ZCCHC14: variants seen among roughly 807,000 people sequenced by gnomAD.
ZCCHC14 encodes zinc finger CCHC domain-containing protein 14.
A neutral mutation model predicts 85.0 loss-of-function variants in ZCCHC14; 16 were observed. The ratio of observed to expected loss-of-function variants is 0.19; its 90% CI spans 0.13 to 0.29. The LOEUF (loss-of-function observed/expected upper bound fraction) is 0.29. ZCCHC14 is among the 10% of genes least tolerant of loss of function. ZCCHC14 has a pLI of 1.00. For synonymous variants in ZCCHC14, 775 were observed against 630.7 expected, an observed-to-expected ratio of 1.23 and a Z score of -3.43; for missense variants, 1,303 against 1,443.5, an observed-to-expected ratio of 0.90 and a Z score of 1.58.
intron 1 of ZCCHC14, chr16:87,470,514 T>G (rs183447555): frequency 6.6e-6 from 1 of 152,134 alleles, no homozygotes; most frequent in African/African-American, 2.4e-5. Context: ...AGGCAGGATG[T>G]GATGAGCTTT....
chr16:87,451,373 T>G (rs1453686183), intron 2 of ZCCHC14, among the ~76,000 whole-genome samples: 2 of 151,490 alleles, frequency 1.3e-5, no homozygotes, highest in African/African-American at 4.9e-5. Context: ...AATCTTTGTA[T>G]TTCAAGTAGA....
At chr16:87,425,425 A>G (rs1909318925) in intron 3 of ZCCHC14, among the ~76,000 whole-genome samples, 1 of 151,954 alleles carries the variant, frequency 6.6e-6, no homozygotes, top group South Asian at 2.1e-4. Flanking sequence ...AAAAATACAA[A>G]ATTGGCCGGG....
chr16:87,420,951 C>G lies in ZCCHC14; in HGVS notation c.841-235G>C, dbSNP rs1342953168. 6.6e-6 allele frequency among the ~76,000 whole-genome samples: 1 copy of G among 152,250 alleles called. No individual in the cohort carries two copies. Among genetic ancestry groups the G allele is most frequent in the Non-Finnish European group, 1.5e-5 (1 of 68,042 alleles). On this transcript the variant is annotated intron_variant, in intron 4 of 12. Coordinates refer to ENST00000671377, the MANE Select transcript of ZCCHC14 (RefSeq NM_015144.3). This position sits in a 1 kb window ranked among gnomAD's most constrained non-coding sequence, Gnocchi z 5.0. ...GGAAAAGCTTGACAATCTGCACAATCACAATGTTCCTTGAGCCCATCTGAG... is the reference window on the plus strand; with the variant it reads ...GGAAAAGCTTGACAATCTGCACAATGACAATGTTCCTTGAGCCCATCTGAG...
At chr16:87,475,382 T>C (rs1379907670) in intron 1 of ZCCHC14, among the ~76,000 whole-genome samples, 7 of 151,776 alleles carry the variant, frequency 4.6e-5, no homozygotes, top group South Asian at 2.1e-4. Context: ...CAAAACCCTG[T>C]CTCTACAAAA....
At chr16:87,427,184 C>G (rs894048661) in intron 3 of ZCCHC14, among the ~76,000 whole-genome samples, 5 of 152,230 alleles carry the variant, frequency 3.3e-5, no homozygotes, top group African/African-American at 7.2e-5. Context: ...TGCCACGGGT[C>G]ACCTTCTGCA....
chr16:87,442,280 C>G (rs188257458), intron 2 of ZCCHC14, among the ~76,000 whole-genome samples: 1 of 152,172 alleles, frequency 6.6e-6, no homozygotes, highest in South Asian at 2.1e-4. Context: ...ACAGCCACAC[C>G]CCACAGAAGG....
At chr16:87,458,106 A>G (rs900680263) in intron 2 of ZCCHC14, among the ~76,000 whole-genome samples, 3 of 152,292 alleles carry the variant, frequency 2.0e-5, no homozygotes, top group African/African-American at 7.2e-5. Flanking sequence ...TACAGAAAAA[A>G]AAAAAAAAGA....
intron 2 of ZCCHC14, among the ~76,000 whole-genome samples, chr16:87,442,123 G>A (rs892187566): frequency 6.6e-6 from 1 of 152,210 alleles, no homozygotes; most frequent in Non-Finnish European, 1.5e-5. Flanking sequence ...CCGTGGCGTT[G>A]TGGGTGCGTT....
chr16:87,481,562 C>G (rs1327497147), intron 1 of ZCCHC14, among the ~76,000 whole-genome samples: 318 of 7,914 alleles, frequency 0.04, no homozygotes, highest in Admixed American at 0.064. Context: ...GAAGGGTAAG[C>G]GGGAGGGGAA....
At chr16:87,452,515 C>A in intron 2 of ZCCHC14, among the ~76,000 whole-genome samples, 1 of 151,928 alleles carries the variant, frequency 6.6e-6, no homozygotes, top group East Asian at 1.9e-4. Flanking sequence ...TACAGAAGAG[C>A]GCTATCGGGA....
chr16:87,476,627 T>G (rs1309201173), intron 1 of ZCCHC14, among the ~76,000 whole-genome samples: 2 of 151,154 alleles, frequency 1.3e-5, no homozygotes, highest in African/African-American at 4.9e-5. Flanking sequence ...AGCCAACAGA[T>G]AAAATGGAAT....
intron 1 of ZCCHC14, among the ~76,000 whole-genome samples, chr16:87,475,497 G>T (rs538364010): frequency 6.8e-6 from 1 of 148,002 alleles, no homozygotes; most frequent in South Asian, 2.1e-4. Context: ...AGGTTGCAGT[G>T]AGCCGAGAGT....
intron 1 of ZCCHC14, chr16:87,471,175 T>C (rs1911755164): frequency 6.6e-6 from 1 of 152,156 alleles, no homozygotes; most frequent in African/African-American, 2.4e-5. Context: ...CCTACCTCTA[T>C]ACAGGAAGGA....
chr16:87,480,471 G>A (rs564069198), intron 1 of ZCCHC14, among the ~76,000 whole-genome samples: 2 of 152,142 alleles, frequency 1.3e-5, no homozygotes, highest in African/African-American at 4.8e-5. Context: ...AACTTCACTA[G>A]AATCTCCAGC....
intron 5 of ZCCHC14, 59 bp from the exon 6 acceptor site, chr16:87,419,936 A>T: frequency 6.9e-7 from 1 of 1,455,272 alleles, no homozygotes; most frequent in Non-Finnish European, 9.3e-7. Flanking sequence ...TGACGAATTG[A>T]AAGAAAAAAA....
At chr16:87,464,168 G>A (rs1911409303) in intron 1 of ZCCHC14, among the ~76,000 whole-genome samples, 2 of 152,330 alleles carry the variant, frequency 1.3e-5, no homozygotes, top group South Asian at 2.1e-4. Flanking sequence ...CAGCCTGCTA[G>A]GGGAGGAAGG....
intron 2 of ZCCHC14, among the ~76,000 whole-genome samples, chr16:87,436,901 AT>A (rs1909951938): frequency 6.6e-6 from 1 of 152,150 alleles, no homozygotes; most frequent in South Asian, 2.1e-4. Flanking sequence ...CATTTCTGTA[AT>A]GTGGTTTTGC....
intron 3 of ZCCHC14, among the ~76,000 whole-genome samples, chr16:87,432,472 C>T (rs572003677): frequency 6.6e-6 from 1 of 152,254 alleles, no homozygotes; most frequent in African/African-American, 2.4e-5. Context: ...TGGCTAGCAC[C>T]TTGGGCCGGG....
rs758970346 is a variant in ZCCHC14 at position 87,418,875 on chromosome 16, C to G, written c.1072G>C (p.Val358Leu). The G allele has an allele frequency of 1.9e-6, 3 of 1,613,312 alleles. No homozygotes were observed. In the South Asian group the frequency reaches 3.3e-5, roughly 18 times the overall value. Reference protein sequence around the residue: ...PSPGNPSLSKVGTVMGVSGRP... With the variant: ...PSPGNPSLSKLGTVMGVSGRP... ...CCAGACACGCCCATCACGGTACCTA[C>G]TTTAGAAAGGGAGGGATTGCCAGGA... Residue 358 changes from valine (V) to leucine (L), a missense_variant, in exon 7 of 13, where the codon GTA becomes CTA. By Grantham distance (32) the Val-to-Leu change is conservative. Coordinates refer to ENST00000671377, the MANE Select transcript of ZCCHC14 (RefSeq NM_015144.3).
Sources: gnomAD v4.1 joint callset for allele counts (sites outside exome capture counted in the v4.1 genomes callset) on GRCh38, gnomAD v4.1.1 for gene constraint, Gnocchi (gnomAD v3.1) non-coding constraint, MANE v1.5 for transcripts, NCBI Gene and HGNC (gene_info 2026-07-23, HGNC 2026-07-21) for gene names.